Variants in GPC5 observed in about 807,000 individuals in gnomAD.
The protein encoded by GPC5 is glypican-5.
Under a neutral mutation model 53.9 loss-of-function variants are expected in GPC5, and 47 were observed. The ratio of observed to expected loss-of-function variants is 0.87; its 90% CI spans 0.69 to 1.11. The LOEUF (loss-of-function observed/expected upper bound fraction) is 1.11, where lower values mean the gene tolerates loss of function less well. Among genes scored for constraint, GPC5 ranks in the 50% most tolerant of loss-of-function variants. The probability of loss-of-function intolerance (pLI) is 0.00; values close to 1 mark genes in which losing one functional copy is unlikely to be tolerated. For missense variants in GPC5, 748 were observed against 713.1 expected (o/e 1.05, Z -0.56); for synonymous variants, 286 against 263.3 (o/e 1.09, Z -0.84).
chr13:91,671,243 T>A (rs555120083), intron 2 of GPC5, among the ~76,000 whole-genome samples: 1 of 152,320 alleles, frequency 6.6e-6, no homozygotes, highest in Non-Finnish European at 1.5e-5. Flanking sequence ...TAGTAAAGTT[T>A]AGTAATATGT....
Position 91,433,706 on chromosome 13 carries a change from G to T in GPC5, c.164-15055G>T, listed in dbSNP as rs1879678506. Among the ~76,000 whole-genome samples the T allele has an allele frequency of 3.3e-5, 5 of 152,050 alleles. No individual in the cohort carries two copies. In the South Asian group the frequency reaches 8.3e-4, roughly 25 times the overall value. ...AGCAGCATGATTTATAATCCTTTGG[G>T]TATATACCCAGTAATGGGATGGCTG... is the stretch of plus-strand genomic sequence containing the variant. On this transcript the variant is annotated intron_variant, in intron 1 of 7. Coordinates refer to ENST00000377067, the MANE Select transcript of GPC5 (RefSeq NM_004466.6).
Position 92,802,396 on chromosome 13 carries a change from TG to T in GPC5, c.1562-63885del, listed in dbSNP as rs532893071. Reference sequence around the variant, plus strand: ...CAATGCAGGACTATGTCTTTTTTTTTGTATGTGTATTTATTTATTTGTTGTT... The same window carrying T: ...CAATGCAGGACTATGTCTTTTTTTTTTATGTGTATTTATTTATTTGTTGTT... On this transcript the variant is annotated intron_variant, in intron 7 of 7. Transcript: ENST00000377067. Among the ~76,000 whole-genome samples the T allele has an allele frequency of 2.3e-3, 357 of 151,956 alleles. 3 individuals are homozygous for T. Among genetic ancestry groups the T allele is most frequent in the African/African-American group, 8.4e-3 (349 of 41,488 alleles).
intron 2 of GPC5, among the ~76,000 whole-genome samples, chr13:91,581,693 T>C (rs1267320123): frequency 6.6e-6 from 1 of 152,202 alleles, no homozygotes; most frequent in African/African-American, 2.4e-5. Context: ...CTAAAAATGA[T>C]TAAATTATCA....
intron 3 of GPC5, among the ~76,000 whole-genome samples, chr13:91,710,773 G>A (rs1365345588): frequency 6.6e-6 from 1 of 152,200 alleles, no homozygotes; most frequent in Middle Eastern, 3.4e-3. Context: ...AATCCACGTG[G>A]TTCATCTAAA....
intron 7 of GPC5, among the ~76,000 whole-genome samples, chr13:92,485,503 A>T (rs183855927): frequency 1.2e-4 from 18 of 152,298 alleles, no homozygotes; most frequent in African/African-American, 4.1e-4. Context: ...TAGAAAAAAA[A>T]ATCACTTTCT....
chr13:92,218,699 T>C (rs1215930661), intron 7 of GPC5, among the ~76,000 whole-genome samples: 2 of 152,136 alleles, frequency 1.3e-5, no homozygotes, highest in Non-Finnish European at 2.9e-5. Context: ...ATCAGCAACA[T>C]TTTTTTCAAA....
intron 7 of GPC5, among the ~76,000 whole-genome samples, chr13:92,853,923 T>A (rs940413810): frequency 6.6e-6 from 1 of 152,058 alleles, no homozygotes; most frequent in Non-Finnish European, 1.5e-5. Flanking sequence ...TAAACTTAAG[T>A]CTTCTCATCT....
chr13:92,727,291 T>C (rs1888674666), intron 7 of GPC5, among the ~76,000 whole-genome samples: 1 of 151,590 alleles, frequency 6.6e-6, no homozygotes, highest in Admixed American at 6.6e-5. Flanking sequence ...AAATTTAGTC[T>C]AATCTTTTTG....
intron 1 of GPC5, among the ~76,000 whole-genome samples, chr13:91,414,508 C>G (rs890788272): frequency 6.6e-6 from 1 of 152,192 alleles, no homozygotes; most frequent in Non-Finnish European, 1.5e-5. Context: ...CATTTCCTCT[C>G]TAAACTGTTC....
chr13:92,204,070 T>A (rs1262140214), intron 7 of GPC5, among the ~76,000 whole-genome samples: 2 of 152,132 alleles, frequency 1.3e-5, no homozygotes. Context: ...CTTTCCAGTA[T>A]GAAAGGAAAA....
intron 7 of GPC5, among the ~76,000 whole-genome samples, chr13:92,467,335 G>T (rs1005208816): frequency 1.3e-5 from 2 of 152,092 alleles, no homozygotes; most frequent in African/African-American, 4.8e-5. Context: ...GATGACTTCT[G>T]AATAATCAAA....
intron 7 of GPC5, among the ~76,000 whole-genome samples, chr13:92,148,403 C>T (rs1001507111): frequency 2.6e-5 from 4 of 152,002 alleles, no homozygotes; most frequent in Non-Finnish European, 5.9e-5. Flanking sequence ...GTCTTCATCA[C>T]CAATGTTATC....
At position 91,765,639 on chromosome 13, in the gene GPC5, G is replaced by A. The variant is rs535789130; in HGVS notation, c.1280+9219G>A. Among the ~76,000 whole-genome samples the A allele has an allele frequency of 2.6e-5, 4 of 152,256 alleles. No individual in the cohort carries two copies. The South Asian group carries it at 8.3e-4, about 32-fold the overall frequency. On this transcript the variant is annotated intron_variant, in intron 5 of 7. Transcript: ENST00000377067. ...GGAATCTCAAACTGGTAGAAAACAT[G>A]TTCACAAAACACATTCACAGCAAAA...
At chr13:91,400,925 T>G (rs1459842535) in intron 1 of GPC5, among the ~76,000 whole-genome samples, 1 of 152,210 alleles carries the variant, frequency 6.6e-6, no homozygotes, top group Non-Finnish European at 1.5e-5. Context: ...TTGATACACA[T>G]GACACACAAA....
At position 91,985,983 on chromosome 13, in the gene GPC5, A is replaced by G. The variant is rs78631565; in HGVS notation, c.1401+77926A>G. ...TGATCCCAGCCAACTTCTCAATTGT[A>G]AAGATGAAATTTACTACACTAGTAG... On this transcript the variant is annotated intron_variant, in intron 6 of 7. Transcript: ENST00000377067. Among the ~76,000 whole-genome samples the G allele has an allele frequency of 6.8e-3, 1,029 of 152,152 alleles. 14 individuals are homozygous for G. Among genetic ancestry groups the G allele is most frequent in the African/African-American group, 0.024 (977 of 41,510 alleles).
intron 7 of GPC5, among the ~76,000 whole-genome samples, chr13:92,755,370 G>C (rs1436915844): frequency 1.4e-5 from 2 of 140,712 alleles, no homozygotes; most frequent in Non-Finnish European, 3.1e-5. Flanking sequence ...GCCCACAAGA[G>C]AAAGCAGGAA....
At chr13:92,354,920 G>T (rs1461668386) in intron 7 of GPC5, among the ~76,000 whole-genome samples, 1 of 151,960 alleles carries the variant, frequency 6.6e-6, no homozygotes, top group Admixed American at 6.6e-5. Flanking sequence ...AAGGGAGATG[G>T]AATTGAGTTA....
Position 92,512,246 on chromosome 13 carries a change from G to GTT in GPC5, c.1562-354035_1562-354034insTT. On this transcript the variant is annotated intron_variant, in intron 7 of 7. Coordinates refer to ENST00000377067, the MANE Select transcript of GPC5 (RefSeq NM_004466.6). ...TTTTGTAGATTGTATGTGTGTGTGT[G>GTT]TGTGCGCGCGCGCGCGCGTACGCTG... 2.3e-5 allele frequency among the ~76,000 whole-genome samples: 3 copies of GTT among 129,042 alleles called. No individual in the cohort carries two copies. The East Asian group carries it at 1.0e-3, about 43-fold the overall frequency. 84.7% of individuals were successfully genotyped at this position (129,042 alleles called of 152,430 possible).
intron 7 of GPC5, among the ~76,000 whole-genome samples, chr13:92,495,416 A>G (rs951187182): frequency 1.3e-5 from 2 of 152,132 alleles, no homozygotes. Context: ...GCAGCATACC[A>G]TATGGGAATC....
Sources: allele counts gnomAD v4.1 joint callset (sites outside exome capture counted in the v4.1 genomes callset), GRCh38; gene constraint gnomAD v4.1.1; transcripts MANE v1.5; gene names NCBI Gene and HGNC (gene_info 2026-07-23, HGNC 2026-07-21).